The following RBFOX1 variants were observed in gnomAD, a reference collection of about 807,000 sequenced individuals.
RBFOX1 encodes RNA binding protein fox-1 homolog 1.
A neutral mutation model predicts 57.7 loss-of-function variants in RBFOX1; 8 were observed. That is an observed-to-expected ratio of 0.14 (90% CI 0.08 to 0.25). RBFOX1 has a LOEUF of 0.25. Ranked by LOEUF, RBFOX1 falls within the 10% of genes least tolerant of loss-of-function variation. The pLI is 1.00. For synonymous variants in RBFOX1, 326 were observed against 222.4 expected, an observed-to-expected ratio of 1.47 and a Z score of -4.15; for missense variants, 611 against 548.5, an observed-to-expected ratio of 1.11 and a Z score of -1.14.
chr16:5,322,371 G>C (rs1320620340), intron 1 of RBFOX1, among the ~76,000 whole-genome samples: 1 of 152,158 alleles, frequency 6.6e-6, no homozygotes, highest in Non-Finnish European at 1.5e-5. Context: ...GAACTGGCTT[G>C]TGTGTGTGCA....
intron 2 of RBFOX1, among the ~76,000 whole-genome samples, chr16:5,569,354 C>T (rs1050727174): frequency 1.3e-5 from 2 of 149,408 alleles, no homozygotes; most frequent in African/African-American, 4.9e-5. Context: ...CTTCCACTGG[C>T]TAACGCTCTG....
chr16:6,333,196 T>C (rs2083249299), intron 2 of RBFOX1, among the ~76,000 whole-genome samples: 1 of 152,072 alleles, frequency 6.6e-6, no homozygotes, highest in Admixed American at 6.6e-5. Flanking sequence ...TGTGCCACCA[T>C]GTCCAGCTGA....
chr16:7,661,000 T>C (rs927013227), intron 12 of RBFOX1, among the ~76,000 whole-genome samples: 5 of 152,188 alleles, frequency 3.3e-5, no homozygotes, highest in Non-Finnish European at 5.9e-5. Context: ...TTCTAAGGAC[T>C]GAGTGGGATC....
At chr16:7,345,502 C>T (rs776088043) in intron 4 of RBFOX1, among the ~76,000 whole-genome samples, 17 of 152,142 alleles carry the variant, frequency 1.1e-4, no homozygotes, top group Non-Finnish European at 2.1e-4. Context: ...CAGACAGTTC[C>T]CACTGTGACT....
intron 13 of RBFOX1, 22 bp from the exon 14 acceptor site, chr16:7,676,752 C>G: frequency 1.9e-6 from 3 of 1,605,528 alleles, no homozygotes; most frequent in Non-Finnish European, 2.6e-6. Flanking sequence ...ATTCCTGAGT[C>G]ACATTTCTCC....
chr16:7,121,069 G>A (rs1354427506), intron 4 of RBFOX1, among the ~76,000 whole-genome samples: 1 of 151,908 alleles, frequency 6.6e-6, no homozygotes, highest in Non-Finnish European at 1.5e-5. Context: ...AATCTACATT[G>A]ATGATAAAAA....
chr16:7,156,529 A>G (rs540594794), intron 4 of RBFOX1, among the ~76,000 whole-genome samples: 3 of 152,206 alleles, frequency 2.0e-5, no homozygotes, highest in East Asian at 1.9e-4. Flanking sequence ...GTAGATATAT[A>G]TGTGTACATA....
chr16:7,210,258 C>T (rs1023387973), intron 4 of RBFOX1, among the ~76,000 whole-genome samples: 25 of 152,068 alleles, frequency 1.6e-4, no homozygotes, highest in African/African-American at 5.3e-4. Flanking sequence ...TATAGGATTG[C>T]GAGGCTGACT....
At chr16:7,292,295 GAT>G (rs1198448280) in intron 4 of RBFOX1, among the ~76,000 whole-genome samples, 5 of 112,428 alleles carry the variant, frequency 4.4e-5, no homozygotes, top group African/African-American at 1.0e-4. Context: ...TATCATATAT[GAT>G]ATATGATATA....
chr16:5,841,796 C>T (rs529626794), intron 3 of RBFOX1, among the ~76,000 whole-genome samples: 30 of 152,284 alleles, frequency 2.0e-4, no homozygotes, highest in Admixed American at 9.8e-4. Context: ...ATTTCAGCAT[C>T]GAGGACTTCC....
intron 3 of RBFOX1, among the ~76,000 whole-genome samples, chr16:6,782,487 T>C (rs943533123): frequency 1.3e-5 from 2 of 152,130 alleles, no homozygotes; most frequent in Non-Finnish European, 2.9e-5. Context: ...TCATGTTTTC[T>C]ATTTTTTCAT....
chr16:5,555,733 C>G (rs2045644509), intron 2 of RBFOX1, among the ~76,000 whole-genome samples: 1 of 151,836 alleles, frequency 6.6e-6, no homozygotes, highest in Admixed American at 6.6e-5. Context: ...GAAAGACCCT[C>G]TCCCTCGGCT....
intron 2 of RBFOX1, among the ~76,000 whole-genome samples, chr16:6,556,841 C>T (rs546220027): frequency 3.3e-5 from 5 of 151,966 alleles, no homozygotes; most frequent in African/African-American, 7.2e-5. Flanking sequence ...TTCTTTGCTA[C>T]CATGGCAAGA....
intron 5 of RBFOX1, among the ~76,000 whole-genome samples, chr16:7,522,040 GT>G (rs2077618072): frequency 1.3e-5 from 2 of 152,170 alleles, no homozygotes; most frequent in Non-Finnish European, 2.9e-5. Flanking sequence ...CTTGTGTGGT[GT>G]TATCTTCATT....
At chr16:7,225,693 G>GA (rs2093051933) in intron 4 of RBFOX1, among the ~76,000 whole-genome samples, 1 of 139,604 alleles carries the variant, frequency 7.2e-6, no homozygotes, top group Non-Finnish European at 1.5e-5. Flanking sequence ...AATCCAAATA[G>GA]AATTGGCGTT....
chr16:5,558,084 G>T (rs925963430), intron 2 of RBFOX1, among the ~76,000 whole-genome samples: 1 of 152,230 alleles, frequency 6.6e-6, no homozygotes, highest in African/African-American at 2.4e-5. Flanking sequence ...CCATCTTTCT[G>T]AGAGCCACTC....
At chr16:5,923,336 G>C (rs2058867934) in intron 4 of RBFOX1, among the ~76,000 whole-genome samples, 1 of 152,094 alleles carries the variant, frequency 6.6e-6, no homozygotes, top group South Asian at 2.1e-4. Context: ...AGGACCCTCA[G>C]AACAAGGCTG....
At chr16:7,663,590 A>G (rs1273607330) in intron 12 of RBFOX1, among the ~76,000 whole-genome samples, 1 of 151,998 alleles carries the variant, frequency 6.6e-6, no homozygotes, top group African/African-American at 2.4e-5. Context: ...TCATTCTGCT[A>G]CAGAAACCTG....
intron 1 of RBFOX1, among the ~76,000 whole-genome samples, chr16:6,232,135 C>G (rs191415211): frequency 5.3e-5 from 8 of 152,172 alleles, no homozygotes; most frequent in Admixed American, 5.2e-4. Context: ...TATTGAATGC[C>G]TAAGTGCTCA....
Sources: gnomAD v4.1 joint callset for allele counts (sites outside exome capture counted in the v4.1 genomes callset) on GRCh38, gnomAD v4.1.1 for gene constraint, MANE v1.5 for transcripts, NCBI Gene and HGNC (gene_info 2026-07-23, HGNC 2026-07-21) for gene names.